ACVRL1: variants seen among roughly 807,000 people sequenced by gnomAD.
ACVRL1 encodes activin A receptor like type 1, also known as activin receptor type-1-like.
A neutral mutation model predicts 51.9 loss-of-function variants in ACVRL1; 20 were observed. The ratio of observed to expected loss-of-function variants is 0.39; its 90% CI spans 0.27 to 0.56. The LOEUF is 0.56. Among genes scored for constraint, ACVRL1 ranks in the 20% least tolerant of loss-of-function variants. The pLI is 0.67. For synonymous variants in ACVRL1, 288 were observed against 280.9 expected, an observed-to-expected ratio of 1.03 and a Z score of -0.25; for missense variants, 451 against 670.3, an observed-to-expected ratio of 0.67 and a Z score of 3.61.
rs1189592050 is a variant in ACVRL1, at chr12:51,918,551, G to A, written c.1247-434G>A. 3.9e-5 allele frequency among the ~76,000 whole-genome samples: 6 copies of A among 152,242 alleles called. No individual in the cohort carries two copies. In the East Asian group the frequency reaches 1.2e-3, roughly 30 times the overall value. ...ATAGTTGGGGCCTGGGAGCAGTCCC[G>A]GGCACTGGGTGGAAGGCAGCTGAGG... On this transcript the variant is annotated intron_variant, in intron 8 of 9. Coordinates refer to ENST00000388922, the MANE Select transcript of ACVRL1 (RefSeq NM_000020.3).
intron 3 of ACVRL1, 90 bp downstream of exon 3, chr12:51,913,440 G>C: frequency 6.5e-7 from 1 of 1,547,820 alleles, no homozygotes; most frequent in Non-Finnish European, 8.7e-7. Context: ...GCCAATAAAG[G>C]GGCTGGGGGC....
Position 51,912,500 on chromosome 12 carries a change from G to T in ACVRL1, c.26G>T (p.Gly9Val). 1 of 1,614,168 alleles carries T rather than the reference G, an allele frequency of 6.2e-7. No individual in the cohort carries two copies. The highest frequency in any genetic ancestry group is 2.2e-5 in the East Asian group (1 of 44,880). MTLGSPRK[G>V]LLMLLMALVT... Reference sequence around the variant, plus strand: ...ATGACCTTGGGCTCCCCCAGGAAAGGCCTTCTGATGCTGCTGATGGCCTTG... The same window carrying T: ...ATGACCTTGGGCTCCCCCAGGAAAGTCCTTCTGATGCTGCTGATGGCCTTG... Residue 9 changes from glycine (G) to valine (V), a missense_variant, in exon 2 of 10, where the codon GGC becomes GTC. Physicochemically the swap from Gly to Val is moderately radical, Grantham distance 109. Transcript: ENST00000388922.
intron 7 of ACVRL1, 197 bp downstream of exon 7, chr12:51,915,697 C>T: frequency 4.9e-6 from 4 of 813,250 alleles, no homozygotes; most frequent in Non-Finnish European, 7.5e-6. Context: ...CCATACCATC[C>T]TGGCTCCAGG....
rs706817 is a variant in ACVRL1, at chr12:51,919,751, C to T, written c.1377+636C>T. On this transcript the variant is annotated intron_variant, in intron 9 of 9. Transcript: ENST00000388922. ...TGTTGCTGTTTTGTTGTTGTTTGTC[C>T]TTGTTTTTTCTCAAAACACTTCACT... Among the ~76,000 whole-genome samples, 2,151 of 152,132 alleles carry T rather than the reference C, an allele frequency of 0.014. 53 individuals carry two copies. The highest frequency in any genetic ancestry group is 0.05 in the African/African-American group (2,073 of 41,472).
intron 1 of ACVRL1, among the ~76,000 whole-genome samples, chr12:51,909,927 T>C (rs925050966): frequency 2.0e-5 from 3 of 152,222 alleles, no homozygotes; most frequent in Non-Finnish European, 2.9e-5. Flanking sequence ...TAGTGATGCT[T>C]CTGTCAGCAG....
chr12:51,908,851 A>T (rs1471796978), intron 1 of ACVRL1, among the ~76,000 whole-genome samples: 1 of 152,204 alleles, frequency 6.6e-6, no homozygotes, highest in African/African-American at 2.4e-5. Flanking sequence ...CCAGGTCTCC[A>T]TGCTCCAGAG....
chr12:51,911,935 T>A (rs964099883), intron 1 of ACVRL1, among the ~76,000 whole-genome samples: 1 of 152,144 alleles, frequency 6.6e-6, no homozygotes, highest in Non-Finnish European at 1.5e-5. Context: ...GCCTGTTCTA[T>A]CCAGACCCCA....
chr12:51,908,843 AG>A (rs1202107808), intron 1 of ACVRL1, among the ~76,000 whole-genome samples: 1 of 152,198 alleles, frequency 6.6e-6, no homozygotes, highest in East Asian at 1.9e-4. Flanking sequence ...ATTTGAACCC[AG>A]GTCTCCATGC....
At position 51,921,203 on chromosome 12, in the gene ACVRL1, C is replaced by T; in HGVS notation, c.*310C>T. ...CAAAAGAGGCTCCAGAGTCAGAGTG[C>T]CAAGCCAGGGAATCCCAGTCCCAGA... is the stretch of plus-strand genomic sequence containing the variant. On this transcript the variant is annotated 3_prime_UTR_variant, in exon 10 of 10. Transcript: ENST00000388922. 2.5e-6 allele frequency: 1 copy of T among 401,480 alleles called. No homozygotes were observed. Among genetic ancestry groups the T allele is most frequent in the Non-Finnish European group, 4.7e-6 (1 of 210,712 alleles). The allele number at this position is 401,480 out of a possible 1,614,324, so 24.9% of individuals were successfully genotyped here.
At chr12:51,919,688 T>A (rs1355338535) in intron 9 of ACVRL1, among the ~76,000 whole-genome samples, 1 of 152,190 alleles carries the variant, frequency 6.6e-6, no homozygotes, top group Non-Finnish European at 1.5e-5. Context: ...CCTCCACACC[T>A]GACCACTGTG....
At position 51,913,141 on chromosome 12, in the gene ACVRL1, C is replaced by A; in HGVS notation, c.104C>A (p.Thr35Lys). Residue 35 changes from threonine to lysine, a missense_variant, in exon 3 of 10, where the codon ACG becomes AAG. This residue lies in a region of ACVRL1 where 192 missense variants were observed against 216.9 expected (regional missense o/e 0.89). Coordinates refer to ENST00000388922, the MANE Select transcript of ACVRL1 (RefSeq NM_000020.3). ...TCTCGGGGCCCGCTGGTGACCTGCA[C>A]GTGTGAGAGCCCACATTGCAAGGGG... ...KPSRGPLVTC[T>K]CESPHCKGPT... 1.2e-6 allele frequency: 2 copies of A among 1,606,952 alleles called. No individual in the cohort carries two copies. The highest frequency in any genetic ancestry group is 1.7e-5 in the Admixed American group (1 of 59,508).
In ACVRL1 at chr12:51,912,479, C is replaced by T. The variant is rs373062714; in HGVS notation, c.5C>T (p.Thr2Ile). 115 of 1,614,046 alleles carry T rather than the reference C, an allele frequency of 7.1e-5. No individual in the cohort carries two copies. The highest frequency in any genetic ancestry group is 8.8e-5 in the South Asian group (8 of 91,086). The part of the protein sequence containing the change: M[T>I]LGSPRKGLLM... ...TTGCTCCTCTCTGCAGGGACCATGA[C>T]CTTGGGCTCCCCCAGGAAAGGCCTT... Residue 2 changes from threonine to isoleucine, a missense_variant, in exon 2 of 10, where the codon ACC becomes ATC. Physicochemically the swap from Thr to Ile is moderately conservative, Grantham distance 89. Around this residue, in one of 2 missense-constraint regions of ACVRL1, gnomAD observed 192 missense variants for 216.9 expected, o/e 0.89. Coordinates refer to ENST00000388922, the MANE Select transcript of ACVRL1 (RefSeq NM_000020.3).
In ACVRL1 at chr12:51,913,282, C is replaced by G; in HGVS notation, c.245C>G (p.Thr82Ser). Residue 82 changes from threonine (T) to serine (S), a missense_variant, in exon 3 of 10, where the codon ACC becomes AGC. Physicochemically the swap from Thr to Ser is moderately conservative, Grantham distance 58. Transcript: ENST00000388922. ...LHRELCRGRPTEFVNHYCCDS... is the reference protein window; with the variant it reads ...LHRELCRGRPSEFVNHYCCDS... The stretch of plus-strand genomic sequence containing the variant: ...AGGGAGCTCTGCAGGGGGCGCCCCA[C>G]CGAGTTCGTCAACCACTACTGCTGC... The G allele has an allele frequency of 6.2e-7, 1 of 1,606,274 alleles. No individual in the cohort carries two copies. The highest frequency in any genetic ancestry group is 8.5e-7 in the Non-Finnish European group (1 of 1,176,650).
upstream of ACVRL1, among the ~76,000 whole-genome samples, chr12:51,907,223 G>A (rs369003431): frequency 7.7e-4 from 117 of 152,144 alleles, no homozygotes; most frequent in South Asian, 0.024. This position sits in a 1 kb window ranked among gnomAD's most constrained non-coding sequence, Gnocchi z 4.5. Context: ...GGACCCCCAC[G>A]GCCTGAGTCC....
At chr12:51,918,386 T>C (rs1342702519) in intron 8 of ACVRL1, among the ~76,000 whole-genome samples, 1 of 152,258 alleles carries the variant, frequency 6.6e-6, no homozygotes, top group Non-Finnish European at 1.5e-5. Flanking sequence ...CTGGCCTTCA[T>C]TTCTTGGCTT....
chr12:51,916,132 A>G lies in ACVRL1; in HGVS notation c.1145A>G (p.Asp382Gly). 1.2e-6 allele frequency: 2 copies of G among 1,613,980 alleles called. No individual in the cohort carries two copies. Among genetic ancestry groups the G allele is most frequent in the East Asian group, 4.5e-5 (2 of 44,866 alleles). ...CGGTACATGGCACCCGAGGTGCTGG[A>G]CGAGCAGATCCGCACGGACTGCTTT... ...TKRYMAPEVLDEQIRTDCFES... is the reference protein window; with the variant it reads ...TKRYMAPEVLGEQIRTDCFES... Residue 382 changes from aspartate to glycine, a missense_variant, in exon 8 of 10, where the codon GAC becomes GGC. Asp to Gly is a moderately conservative substitution (Grantham distance 94). This residue lies in a region of ACVRL1 where 259 missense variants were observed against 453.4 expected (regional missense o/e 0.57). Coordinates refer to ENST00000388922, the MANE Select transcript of ACVRL1 (RefSeq NM_000020.3).
At chr12:51,918,572 T>C (rs761597567) in intron 8 of ACVRL1, among the ~76,000 whole-genome samples, 2 of 152,176 alleles carry the variant, frequency 1.3e-5, no homozygotes, top group Non-Finnish European at 2.9e-5. Flanking sequence ...GGAAGGCAGC[T>C]GAGGGAAGAC....
rs1397844718 is a variant in ACVRL1 at position 51,922,401 on chromosome 12, T to G, written c.*1508T>G. 1 of 152,300 alleles carries G rather than the reference T, an allele frequency of 6.6e-6. No individual in the cohort carries two copies. The highest frequency in any genetic ancestry group is 1.5e-5 in the Non-Finnish European group (1 of 68,178). 9.4% of individuals were successfully genotyped at this position (152,300 alleles called of 1,614,324 possible). ...ACTGCAGGGCGGCTTCCTCCAAGGCTTCCAAGGCTCAAAAGAAATTTGGCT... is the reference window on the plus strand; with the variant it reads ...ACTGCAGGGCGGCTTCCTCCAAGGCGTCCAAGGCTCAAAAGAAATTTGGCT... On this transcript the variant is annotated 3_prime_UTR_variant, in exon 10 of 10. Coordinates refer to ENST00000388922, the MANE Select transcript of ACVRL1 (RefSeq NM_000020.3).
Position 51,919,061 on chromosome 12 carries a change from G to A in ACVRL1, c.1323G>A (p.Val441=), listed in dbSNP as rs1592226875. 1 of 1,614,148 alleles carries A rather than the reference G, an allele frequency of 6.2e-7. No homozygotes were observed. Among genetic ancestry groups the A allele is most frequent in the Non-Finnish European group, 8.5e-7 (1 of 1,180,024 alleles). The change falls in exon 9 of 10, where the codon GTG becomes GTA. Residue 441 remains valine (V), a synonymous_variant. Transcript: ENST00000388922. ...CCAGCTTTGAGGACATGAAGAAGGTGGTGTGTGTGGATCAGCAGACCCCCA... is the reference window on the plus strand; with the variant it reads ...CCAGCTTTGAGGACATGAAGAAGGTAGTGTGTGTGGATCAGCAGACCCCCA... ...NDPSFEDMKK[V]VCVDQQTPTI...
Sources: gnomAD v4.1 joint callset for allele counts (sites outside exome capture counted in the v4.1 genomes callset) on GRCh38, gnomAD v4.1.1 for gene constraint, gnomAD v4.1.1 regional missense constraint, Gnocchi (gnomAD v3.1) non-coding constraint, MANE v1.5 for transcripts, NCBI Gene and HGNC (gene_info 2026-07-23, HGNC 2026-07-21) for gene names.